Variants in SGCD observed in about 807,000 individuals in gnomAD.
SGCD encodes sarcoglycan delta.
Under a neutral mutation model 36.6 loss-of-function variants are expected in SGCD, and 18 were observed. The observed-to-expected ratio is 0.49, with a 90% CI of 0.34 to 0.73. The LOEUF (loss-of-function observed/expected upper bound fraction) is 0.73. Among genes scored for constraint, SGCD ranks in the 30% least tolerant of loss-of-function variants. The pLI is 0.01. For missense variants in SGCD, 387 were observed against 346.7 expected (o/e 1.12, Z -0.92); for synonymous variants, 133 against 130.6 (o/e 1.02, Z -0.12).
At chr5:155,829,392 A>G in the SGCD span, among the ~76,000 whole-genome samples, 2 of 151,796 alleles carry the variant, frequency 1.3e-5, no homozygotes, top group South Asian at 4.2e-4. Context: ...TACAGCCATC[A>G]GCCTCACTAA....
chr5:156,637,343 G>A (rs1305400095), intron 6 of SGCD, among the ~76,000 whole-genome samples: 6 of 152,090 alleles, frequency 3.9e-5, no homozygotes, highest in Non-Finnish European at 7.4e-5. Flanking sequence ...AGCAGCATGA[G>A]AACAGACTAA....
At chr5:156,758,544 G>C (rs1444364694) in intron 8 of SGCD, among the ~76,000 whole-genome samples, 2 of 152,068 alleles carry the variant, frequency 1.3e-5, no homozygotes, top group Admixed American at 1.3e-4. Flanking sequence ...GAGATAGTCA[G>C]AACATTCAGT....
intron 3 of SGCD, among the ~76,000 whole-genome samples, chr5:156,183,596 C>T (rs758748086): frequency 2.6e-5 from 4 of 152,090 alleles, no homozygotes; most frequent in East Asian, 1.9e-4. Flanking sequence ...TTAGTAGAGA[C>T]GAGGTTTCAC....
At chr5:155,922,952 G>A (rs780222842) in intron 1 of SGCD, among the ~76,000 whole-genome samples, 1 of 152,190 alleles carries the variant, frequency 6.6e-6, no homozygotes, top group Non-Finnish European at 1.5e-5. Context: ...CAGTGGGGAA[G>A]GGATCGATTT....
chr5:156,117,938 C>A (rs78655254), exon 2 of SGCD: 1 of 152,132 alleles, frequency 6.6e-6, no homozygotes, highest in African/African-American at 2.4e-5. Flanking sequence ...CAAGACTGCT[C>A]TTCTGGGGAT....
chr5:155,967,851 A>G (rs904955015), intron 1 of SGCD, among the ~76,000 whole-genome samples: 1 of 152,074 alleles, frequency 6.6e-6, no homozygotes, highest in Non-Finnish European at 1.5e-5. Context: ...AGACACCTCA[A>G]GAAGGAAAGC....
chr5:155,902,220 G>A (rs577235340), intron 1 of SGCD, among the ~76,000 whole-genome samples: 4 of 152,290 alleles, frequency 2.6e-5, no homozygotes, highest in South Asian at 4.2e-4. Flanking sequence ...TAATAGTCAT[G>A]TAACTAAGTC....
chr5:155,854,649 T>A, the SGCD span, among the ~76,000 whole-genome samples: 1 of 152,192 alleles, frequency 6.6e-6, no homozygotes, highest in Admixed American at 6.5e-5. Flanking sequence ...ATTGGACATT[T>A]AATAATATTT....
At chr5:156,068,727 A>G (rs1456752365) in intron 1 of SGCD, among the ~76,000 whole-genome samples, 1 of 151,604 alleles carries the variant, frequency 6.6e-6, no homozygotes, top group Non-Finnish European at 1.5e-5. Flanking sequence ...GAACTAGTTT[A>G]CAGTCCCACC....
At chr5:156,190,921 C>T (rs1763876663) in intron 3 of SGCD, among the ~76,000 whole-genome samples, 1 of 151,948 alleles carries the variant, frequency 6.6e-6, no homozygotes, top group Admixed American at 6.6e-5. Flanking sequence ...GAAATAATAC[C>T]ACTTTAAATA....
intron 3 of SGCD, among the ~76,000 whole-genome samples, chr5:156,414,084 T>C (rs1261132729): frequency 6.6e-6 from 1 of 152,226 alleles, no homozygotes; most frequent in Non-Finnish European, 1.5e-5. Context: ...GACTATAACA[T>C]GGTGTCTTGC....
intron 3 of SGCD, among the ~76,000 whole-genome samples, chr5:156,245,102 C>G (rs951950066): frequency 3.3e-5 from 5 of 152,166 alleles, no homozygotes; most frequent in Admixed American, 1.3e-4. Flanking sequence ...ATAGGGAAAG[C>G]TGGGAGGCTG....
intron 6 of SGCD, among the ~76,000 whole-genome samples, chr5:156,604,123 T>G (rs564679136): frequency 2.3e-4 from 35 of 152,142 alleles, no homozygotes; most frequent in African/African-American, 7.7e-4. Flanking sequence ...CTTGTTGAAT[T>G]GATTCTTTTA....
chr5:156,503,159 G>A (rs1472625416), intron 3 of SGCD, among the ~76,000 whole-genome samples: 2 of 152,180 alleles, frequency 1.3e-5, no homozygotes, highest in African/African-American at 4.8e-5. Context: ...TTCTTGAACT[G>A]TGGTCGTTTC....
chr5:156,081,828 T>G (rs1760960874), intron 1 of SGCD, among the ~76,000 whole-genome samples: 1 of 152,078 alleles, frequency 6.6e-6, no homozygotes, highest in Non-Finnish European at 1.5e-5. Flanking sequence ...TCATACAAAT[T>G]TATTAATGTG....
chr5:156,525,916 C>T (rs1390627115), intron 4 of SGCD, among the ~76,000 whole-genome samples: 1 of 152,062 alleles, frequency 6.6e-6, no homozygotes, highest in Non-Finnish European at 1.5e-5. Context: ...GCTCAGCTTT[C>T]TATTCTGTTC....
chr5:155,876,812 CT>C (rs1286135293), intron 1 of SGCD, among the ~76,000 whole-genome samples: 1 of 152,110 alleles, frequency 6.6e-6, no homozygotes, highest in African/African-American at 2.4e-5. Context: ...CAAGGATATT[CT>C]GCCTTTATTT....
At chr5:156,072,325 G>A (rs186521532) in intron 1 of SGCD, among the ~76,000 whole-genome samples, 21,310 of 151,706 alleles carry the variant, frequency 0.14, 1,794 homozygotes, top group Non-Finnish European at 0.19. Context: ...GGGCAGGTCT[G>A]GTGGTCACAT....
chr5:155,730,159 A>G, the SGCD span, among the ~76,000 whole-genome samples: 1 of 152,138 alleles, frequency 6.6e-6, no homozygotes, highest in Non-Finnish European at 1.5e-5. Flanking sequence ...CAGGGAGACA[A>G]ATTAGGAGAG....
Sources: allele counts gnomAD v4.1 joint callset (sites outside exome capture counted in the v4.1 genomes callset), GRCh38; gene constraint gnomAD v4.1.1; transcripts MANE v1.5; gene names NCBI Gene and HGNC (gene_info 2026-07-23, HGNC 2026-07-21).